Variants in NCOR1 observed in about 807,000 individuals in gnomAD.
The protein encoded by NCOR1 is protein phosphatase 1, regulatory subunit 109.
In NCOR1, 63 loss-of-function variants were observed where a neutral mutation model predicts 288.1. The observed-to-expected ratio is 0.22, with a 90% CI of 0.18 to 0.27. NCOR1 has a LOEUF of 0.27. Ranked by LOEUF, NCOR1 falls within the 10% of genes least tolerant of loss-of-function variation. NCOR1 has a pLI of 1.00. For synonymous variants in NCOR1, 1,007 were observed against 1,065.9 expected, an observed-to-expected ratio of 0.94 and a Z score of 1.08; for missense variants, 2,397 against 3,019.2, an observed-to-expected ratio of 0.79 and a Z score of 4.83.
chr17:16,209,166 A>G (rs963332297), intron 1 of NCOR1, among the ~76,000 whole-genome samples: 28 of 152,340 alleles, frequency 1.8e-4, no homozygotes, highest in African/African-American at 6.7e-4. Flanking sequence ...ATTTTGGAGA[A>G]GAGGGAATAG....
intron 43 of NCOR1, 56 bp downstream of exon 43, chr17:16,040,385 G>C: frequency 7.0e-7 from 1 of 1,438,844 alleles, no homozygotes; most frequent in Non-Finnish European, 9.8e-7. Context: ...ATATTTGTTG[G>C]ACTGACTACT....
At chr17:16,074,112 G>A (rs1322063287) in intron 27 of NCOR1, among the ~76,000 whole-genome samples, 1 of 152,214 alleles carries the variant, frequency 6.6e-6, no homozygotes, top group Non-Finnish European at 1.5e-5. Flanking sequence ...CTAATGTGTA[G>A]AGTGGAGTTG....
At chr17:16,207,850 C>T (rs1189701197) in intron 1 of NCOR1, among the ~76,000 whole-genome samples, 1 of 151,720 alleles carries the variant, frequency 6.6e-6, no homozygotes, top group Non-Finnish European at 1.5e-5. Flanking sequence ...CCAAACAGCC[C>T]AAATTTTGTT....
chr17:16,092,695 ATTTTTTTTTTT>A (rs1184440315), intron 21 of NCOR1, among the ~76,000 whole-genome samples: 18 of 22,598 alleles, frequency 8.0e-4, no homozygotes, highest in Middle Eastern at 0.042. Flanking sequence ...ATATATATAT[ATTTTTTTTTTT>A]TTTTTTTTTT....
At chr17:16,131,091 G>A (rs1006908806) in intron 14 of NCOR1, among the ~76,000 whole-genome samples, 5 of 151,170 alleles carry the variant, frequency 3.3e-5, no homozygotes, top group African/African-American at 1.2e-4. Context: ...AGGCTCAAGC[G>A]ATGCTCCCAC....
chr17:16,192,412 T>G (rs919607899), intron 2 of NCOR1, among the ~76,000 whole-genome samples: 1 of 152,270 alleles, frequency 6.6e-6, no homozygotes, highest in Admixed American at 6.5e-5. Flanking sequence ...TCCCAGCGCT[T>G]TGGAAGGCCG....
chr17:16,055,913 C>T (rs2059858732), intron 40 of NCOR1, among the ~76,000 whole-genome samples: 1 of 152,088 alleles, frequency 6.6e-6, no homozygotes, highest in African/African-American at 2.4e-5. Flanking sequence ...CCGAGATTTG[C>T]TTCAAAATTA....
chr17:16,190,990 C>T (rs1186784381), intron 2 of NCOR1, among the ~76,000 whole-genome samples: 1 of 152,088 alleles, frequency 6.6e-6, no homozygotes, highest in Non-Finnish European at 1.5e-5. Flanking sequence ...AAGAAGCAAC[C>T]GTACAAGGTT....
intron 22 of NCOR1, chr17:16,087,416 C>T: frequency 9.8e-7 from 1 of 1,021,898 alleles, no homozygotes; most frequent in Non-Finnish European, 1.4e-6. Flanking sequence ...AAGGACCAAG[C>T]CCACACCATC....
At chr17:16,095,522 CATCCGGGAGGGAGGTTGGGGG>C (rs2152950761) in intron 21 of NCOR1, among the ~76,000 whole-genome samples, 1 of 137,674 alleles carries the variant, frequency 7.3e-6, no homozygotes, top group South Asian at 2.5e-4. Flanking sequence ...CCAGCCGCCC[CATCCGGGAGGGAGGTTGGGGG>C]GTCAGCCCCC....
intron 40 of NCOR1, among the ~76,000 whole-genome samples, chr17:16,050,681 TTTAAG>T (rs2059205858): frequency 6.6e-6 from 1 of 152,212 alleles, no homozygotes; most frequent in South Asian, 2.1e-4. Context: ...CCACTTTTTT[TTTAAG>T]TTGTTTTGCT....
At chr17:16,102,978 T>C (rs2067914375) in intron 19 of NCOR1, among the ~76,000 whole-genome samples, 1 of 152,244 alleles carries the variant, frequency 6.6e-6, no homozygotes, top group South Asian at 2.1e-4. Flanking sequence ...CAGAAGGCTG[T>C]AGAATACTAT....
intron 32 of NCOR1, among the ~76,000 whole-genome samples, chr17:16,066,148 T>C (rs1023450892): frequency 6.6e-6 from 1 of 152,310 alleles, no homozygotes; most frequent in Non-Finnish European, 1.5e-5. Flanking sequence ...GTCCATGTGT[T>C]TGGAGCAGAG....
intron 35 of NCOR1, 151 bp downstream of exon 35, chr17:16,063,917 A>G: frequency 9.9e-7 from 1 of 1,006,616 alleles, no homozygotes; most frequent in Non-Finnish European, 1.4e-6. Flanking sequence ...CAGCTGCTAC[A>G]GCACTTTCAC....
chr17:16,152,461 T>C lies in NCOR1; in HGVS notation c.790-463A>G, dbSNP rs1433983109. Among the ~76,000 whole-genome samples the C allele has an allele frequency of 3.9e-5, 6 of 152,194 alleles. 1 individual carries two copies. The highest frequency in any genetic ancestry group is 2.0e-4 in the Admixed American group (3 of 15,272). ...GAATGATGGTTTCCAGCTTCATCCA[T>C]GTCCCTACAAAGGACATGAACTCAT... On this transcript the variant is annotated intron_variant, in intron 7 of 45. Coordinates refer to ENST00000268712, the MANE Select transcript of NCOR1 (RefSeq NM_006311.4).
chr17:16,193,512 C>T (rs944024209), intron 2 of NCOR1, among the ~76,000 whole-genome samples: 3 of 152,128 alleles, frequency 2.0e-5, no homozygotes, highest in Non-Finnish European at 2.9e-5. Flanking sequence ...GGATTACAGG[C>T]ATGAGCCACC....
intron 9 of NCOR1, among the ~76,000 whole-genome samples, chr17:16,147,436 G>A (rs2078167352): frequency 6.6e-6 from 1 of 152,032 alleles, no homozygotes; most frequent in Non-Finnish European, 1.5e-5. Flanking sequence ...AGTGAACTAC[G>A]TGAAATTGAG....
intron 25 of NCOR1, 39 bp downstream of exon 25, chr17:16,080,369 G>T (rs2152814674): frequency 6.7e-7 from 1 of 1,503,328 alleles, no homozygotes; most frequent in Non-Finnish European, 9.1e-7. Context: ...ATTTATTGGG[G>T]ACAAAAGTTT....
rs1003593302 is a variant in NCOR1 at position 16,197,374 on chromosome 17, A to T, written c.-70-2735T>A. 2.6e-5 allele frequency among the ~76,000 whole-genome samples: 4 copies of T among 152,124 alleles called. No homozygotes were observed. In the East Asian group the frequency reaches 7.7e-4, roughly 29 times the overall value. On this transcript the variant is annotated intron_variant, in intron 1 of 45. Coordinates refer to ENST00000268712, the MANE Select transcript of NCOR1 (RefSeq NM_006311.4). ...ATGTGGTACCATGTAATATATAAAT[A>T]TTTTAAATAAATATACCATCCTCCT...
Sources: allele counts gnomAD v4.1 joint callset (sites outside exome capture counted in the v4.1 genomes callset), GRCh38; gene constraint gnomAD v4.1.1; transcripts MANE v1.5; gene names NCBI Gene and HGNC (gene_info 2026-07-23, HGNC 2026-07-21).